LRRC8D: variants seen among roughly 807,000 people sequenced by gnomAD.
LRRC8D encodes volume-regulated anion channel subunit LRRC8D.
A neutral mutation model predicts 55.8 loss-of-function variants in LRRC8D; 20 were observed. The observed-to-expected ratio is 0.36, with a 90% CI of 0.25 to 0.52. The LOEUF (loss-of-function observed/expected upper bound fraction) is 0.52, where lower values mean the gene tolerates loss of function less well. Ranked by LOEUF, LRRC8D falls within the 20% of genes least tolerant of loss-of-function variation. The pLI is 0.93. For synonymous variants in LRRC8D, 352 were observed against 377.0 expected (o/e 0.93, Z 0.77); for missense variants, 651 against 1,030.8 (o/e 0.63, Z 5.05).
intron 2 of LRRC8D, among the ~76,000 whole-genome samples, chr1:89,876,627 CCA>C (rs1396769149): frequency 6.6e-6 from 1 of 152,148 alleles, no homozygotes; most frequent in Non-Finnish European, 1.5e-5. Flanking sequence ...TGTGAAAACT[CCA>C]GAGTCATTTA....
At chr1:89,831,530 G>C (rs1278698270) in intron 1 of LRRC8D, among the ~76,000 whole-genome samples, 2 of 152,116 alleles carry the variant, frequency 1.3e-5, no homozygotes, top group African/African-American at 4.8e-5. Flanking sequence ...ATCTACCCCA[G>C]GAGATACGGG....
chr1:89,904,153 T>C (rs914698709), intron 2 of LRRC8D, among the ~76,000 whole-genome samples: 1 of 152,228 alleles, frequency 6.6e-6, no homozygotes, highest in African/African-American at 2.4e-5. Flanking sequence ...CTTTCTGAGC[T>C]ATCTGGAAGG....
At chr1:89,855,581 C>A (rs995835113) in intron 2 of LRRC8D, among the ~76,000 whole-genome samples, 1 of 152,174 alleles carries the variant, frequency 6.6e-6, no homozygotes, top group African/African-American at 2.4e-5. Context: ...AAATTCTTCA[C>A]AGGAAGAAAC....
chr1:89,844,401 A>C (rs1216382023), intron 2 of LRRC8D, among the ~76,000 whole-genome samples: 1 of 152,188 alleles, frequency 6.6e-6, no homozygotes. Flanking sequence ...ATGCAGGCAC[A>C]CACCGGAAAG....
At chr1:89,860,755 T>A (rs59553502) in intron 2 of LRRC8D, among the ~76,000 whole-genome samples, 1 of 5,826 alleles carries the variant, frequency 1.7e-4, no homozygotes, top group Non-Finnish European at 2.7e-4. Flanking sequence ...AGACTCTATC[T>A]CAAAAAAAAA....
chr1:89,882,544 C>G (rs1338320405), intron 2 of LRRC8D, among the ~76,000 whole-genome samples: 1 of 152,188 alleles, frequency 6.6e-6, no homozygotes, highest in Non-Finnish European at 1.5e-5. Flanking sequence ...CCCCTGCCCT[C>G]AGGGAGGTTA....
chr1:89,905,781 C>A (rs542632144), intron 2 of LRRC8D, among the ~76,000 whole-genome samples: 15 of 152,250 alleles, frequency 9.9e-5, no homozygotes, highest in African/African-American at 3.6e-4. Context: ...GAATTCGTGA[C>A]CTTTGCAGAC....
At chr1:89,853,712 G>C (rs1335683289) in intron 2 of LRRC8D, among the ~76,000 whole-genome samples, 1 of 152,180 alleles carries the variant, frequency 6.6e-6, no homozygotes, top group Non-Finnish European at 1.5e-5. Context: ...GGGTCCGGTA[G>C]AGTGAAGATT....
intron 2 of LRRC8D, among the ~76,000 whole-genome samples, chr1:89,869,442 A>G (rs1468817928): frequency 6.6e-6 from 1 of 152,252 alleles, no homozygotes; most frequent in East Asian, 1.9e-4. Context: ...AAAGCCTCCA[A>G]GAAATATGGG....
At chr1:89,880,197 G>T (rs567228556) in intron 2 of LRRC8D, among the ~76,000 whole-genome samples, 2 of 150,364 alleles carry the variant, frequency 1.3e-5, no homozygotes, top group African/African-American at 4.9e-5. Context: ...GAGTAGTCTC[G>T]TGTAGCTGAC....
intron 2 of LRRC8D, among the ~76,000 whole-genome samples, chr1:89,906,855 C>T (rs945446314): frequency 6.6e-6 from 1 of 152,010 alleles, no homozygotes; most frequent in Non-Finnish European, 1.5e-5. Context: ...CAAGGCCTCC[C>T]AGGCTGCATA....
chr1:89,847,850 A>G (rs974035551), intron 2 of LRRC8D, among the ~76,000 whole-genome samples: 2 of 152,188 alleles, frequency 1.3e-5, no homozygotes, highest in African/African-American at 4.8e-5. Context: ...ATATATTGCA[A>G]ATAATGACTT....
chr1:89,840,692 T>A (rs60890648), intron 1 of LRRC8D, among the ~76,000 whole-genome samples: 4,954 of 152,320 alleles, frequency 0.033, 254 homozygotes, highest in African/African-American at 0.11. Flanking sequence ...AAAATAGGAA[T>A]AGTCTACTGT....
chr1:89,894,148 T>C (rs1284916617), intron 2 of LRRC8D, among the ~76,000 whole-genome samples: 1 of 152,240 alleles, frequency 6.6e-6, no homozygotes, highest in Non-Finnish European at 1.5e-5. Context: ...TTTCTCACCA[T>C]GTGAGGATAG....
chr1:89,861,512 C>A (rs1661720443), intron 2 of LRRC8D, among the ~76,000 whole-genome samples: 2 of 152,210 alleles, frequency 1.3e-5, no homozygotes, highest in South Asian at 4.1e-4. Flanking sequence ...TTATTAATAC[C>A]TGTGCCTTAG....
Position 89,845,596 on chromosome 1 carries a change from C to T in LRRC8D, c.-3+1814C>T, listed in dbSNP as rs570354636. 4.0e-5 allele frequency among the ~76,000 whole-genome samples: 6 copies of T among 151,810 alleles called. No homozygotes were observed. The South Asian group carries it at 1.0e-3, about 26-fold the overall frequency. ...AGATTACAGGTGCACGCCACCACACCCAGCGAATTTTTGTATTTTTAGTAG... is the reference window on the plus strand; with the variant it reads ...AGATTACAGGTGCACGCCACCACACTCAGCGAATTTTTGTATTTTTAGTAG... On this transcript the variant is annotated intron_variant, in intron 2 of 2. Coordinates refer to ENST00000337338, the MANE Select transcript of LRRC8D (RefSeq NM_001134479.2).
rs1251295283 is a variant in LRRC8D at position 89,843,526 on chromosome 1, T to TA, written c.-147-111dup. ...AGCGCTGGGTGCCCACCATGGCAGT[T>TA]ATGCAAGCGGTGACCCCCTGGTCTT... On this transcript the variant is annotated intron_variant, in intron 1 of 2. Coordinates refer to ENST00000337338, the MANE Select transcript of LRRC8D (RefSeq NM_001134479.2). 221 of 639,962 alleles carry TA rather than the reference T, an allele frequency of 3.5e-4. 2 individuals carry two copies. In the South Asian group the frequency reaches 3.5e-3, roughly 10 times the overall value. The allele number at this position is 639,962 out of a possible 1,614,324, so 39.6% of individuals were successfully genotyped here. A position where few individuals can be genotyped will look rare whatever the true frequency, so the allele number is the denominator to read the frequency against.
At position 89,935,933 on chromosome 1, in the gene LRRC8D, C is replaced by T; in HGVS notation, c.*288C>T. The stretch of plus-strand genomic sequence containing the variant: ...TAAATTGTTTGTAACTTGGATGCTG[C>T]CGCTACTGAATGTTTACAAATTGCT... On this transcript the variant is annotated 3_prime_UTR_variant, in exon 3 of 3. Transcript: ENST00000337338. 1 of 275,206 alleles carries T rather than the reference C, an allele frequency of 3.6e-6. No homozygotes were observed. The highest frequency in any genetic ancestry group is 7.3e-6 in the Non-Finnish European group (1 of 137,176). The allele number at this position is 275,206 out of a possible 1,614,324, so 17.0% of individuals were successfully genotyped here.
In LRRC8D at chr1:89,891,122, C is replaced by T. The variant is rs185570099; in HGVS notation, c.-2-41945C>T. 2.9e-3 allele frequency among the ~76,000 whole-genome samples: 439 copies of T among 152,244 alleles called. 4 individuals carry two copies. The highest frequency in any genetic ancestry group is 7.7e-3 in the South Asian group (37 of 4,816). On this transcript the variant is annotated intron_variant, in intron 2 of 2. Coordinates refer to ENST00000337338, the MANE Select transcript of LRRC8D (RefSeq NM_001134479.2). ...GTCTCGATCTCGTGACCTTGTGATC[C>T]GCCCGCCTCAGCCTCCCAAAGGGCT...
Sources: allele counts gnomAD v4.1 joint callset (sites outside exome capture counted in the v4.1 genomes callset), GRCh38; gene constraint gnomAD v4.1.1; transcripts MANE v1.5; gene names NCBI Gene and HGNC (gene_info 2026-07-23, HGNC 2026-07-21).